Variants in USP10 observed in about 807,000 individuals in gnomAD.
USP10 encodes the protein ubiquitin specific peptidase 10.
USP10 carries 22 observed loss-of-function variants against 84.5 expected under a neutral mutation model. The observed-to-expected ratio is 0.26, with a 90% confidence interval of 0.19 to 0.37. The LOEUF is 0.37. USP10 is among the 10% of genes least tolerant of loss of function. USP10 has a pLI of 1.00. For missense variants in USP10, 1,019 were observed against 998.9 expected, an observed-to-expected ratio of 1.02 and a Z score of -0.27; for synonymous variants, 454 against 387.6, an observed-to-expected ratio of 1.17 and a Z score of -2.01.
chr16:84,721,849 C>T (rs35269236), intron 1 of USP10, among the ~76,000 whole-genome samples: 27,108 of 152,248 alleles, frequency 0.18, 2,803 homozygotes, highest in Middle Eastern at 0.32. Flanking sequence ...AGGCACACGC[C>T]GCCACACCTG....
chr16:84,730,474 A>G (rs1422536705), intron 1 of USP10, among the ~76,000 whole-genome samples: 1 of 152,242 alleles, frequency 6.6e-6, no homozygotes, highest in Non-Finnish European at 1.5e-5. Context: ...ATTTTCTCAG[A>G]TACTTTAAAA....
chr16:84,769,003 A>T (rs1281265163), intron 11 of USP10, among the ~76,000 whole-genome samples: 2 of 152,148 alleles, frequency 1.3e-5, no homozygotes, highest in African/African-American at 4.8e-5. Flanking sequence ...GGCTGTCCAG[A>T]TGTGCCAGCT....
At chr16:84,706,498 A>G (rs1488895101) in intron 1 of USP10, among the ~76,000 whole-genome samples, 4 of 147,508 alleles carry the variant, frequency 2.7e-5, no homozygotes, top group African/African-American at 9.9e-5. Context: ...TTATTTGTAT[A>G]TGTATTTATA....
chr16:84,749,012 A>G (rs1328338952), intron 4 of USP10, among the ~76,000 whole-genome samples: 4 of 152,156 alleles, frequency 2.6e-5, no homozygotes, highest in East Asian at 1.9e-4. Flanking sequence ...AAAATATATA[A>G]TTCTTTTCAG....
rs573033157 is a variant in USP10 at position 84,727,890 on chromosome 16, C to G, written c.22-5545C>G. 4.6e-5 allele frequency among the ~76,000 whole-genome samples: 7 copies of G among 152,248 alleles called. 1 individual carries two copies. The highest frequency in any genetic ancestry group is 1.7e-4 in the African/African-American group (7 of 41,560). The stretch of plus-strand genomic sequence containing the variant: ...GATGCAGTACTTTTTTCTAACCTGT[C>G]CATATTCTAATTTTGGGAGTTGACC... On this transcript the variant is annotated intron_variant, in intron 1 of 13. Transcript: ENST00000219473.
At chr16:84,766,965 A>G (rs1476786536) in intron 10 of USP10, among the ~76,000 whole-genome samples, 1 of 152,030 alleles carries the variant, frequency 6.6e-6, no homozygotes, top group Non-Finnish European at 1.5e-5. Flanking sequence ...CCCCGGTGCC[A>G]CCTTTGCTAA....
chr16:84,731,119 A>G (rs1284249116), intron 1 of USP10, among the ~76,000 whole-genome samples: 3 of 151,272 alleles, frequency 2.0e-5, no homozygotes, highest in African/African-American at 7.3e-5. Flanking sequence ...AGCTGGGACT[A>G]CAGGTGCATG....
chr16:84,743,606 A>G (rs983124897), intron 3 of USP10, among the ~76,000 whole-genome samples: 2 of 152,224 alleles, frequency 1.3e-5, no homozygotes, highest in Non-Finnish European at 2.9e-5. Context: ...TCATGCATTA[A>G]AGATGAAATA....
intron 1 of USP10, among the ~76,000 whole-genome samples, chr16:84,723,674 G>A (rs1908098663): frequency 6.6e-6 from 1 of 152,146 alleles, no homozygotes; most frequent in African/African-American, 2.4e-5. Flanking sequence ...ATTAACTTCT[G>A]GCTAAACAAA....
chr16:84,722,446 C>A (rs548756861), intron 1 of USP10, among the ~76,000 whole-genome samples: 1 of 152,182 alleles, frequency 6.6e-6, no homozygotes, highest in African/African-American at 2.4e-5. Context: ...ATGTGGTAAG[C>A]GTATATTCTA....
intron 1 of USP10, among the ~76,000 whole-genome samples, chr16:84,724,970 C>T (rs2150784309): frequency 6.6e-6 from 1 of 152,206 alleles, no homozygotes; most frequent in South Asian, 2.1e-4. Flanking sequence ...TTCATAAAGC[C>T]TAGTAAAGAA....
intron 4 of USP10, among the ~76,000 whole-genome samples, chr16:84,751,394 G>C (rs1911917036): frequency 6.6e-6 from 1 of 152,140 alleles, no homozygotes; most frequent in Non-Finnish European, 1.5e-5. Flanking sequence ...TGGGGGAAAT[G>C]GTTTCTCAGA....
chr16:84,741,691 C>G (rs1200449261), intron 3 of USP10, among the ~76,000 whole-genome samples: 5 of 152,194 alleles, frequency 3.3e-5, no homozygotes, highest in African/African-American at 9.6e-5. Context: ...GCCAAAAACA[C>G]GACTGGAATC....
At chr16:84,713,320 C>T (rs1906551968) in intron 1 of USP10, among the ~76,000 whole-genome samples, 1 of 152,066 alleles carries the variant, frequency 6.6e-6, no homozygotes, top group African/African-American at 2.4e-5. Flanking sequence ...GTGGTTTGCT[C>T]CCCTACTTTC....
Position 84,775,234 on chromosome 16 carries a change from A to AT in USP10, c.2209+12dup. The AT allele has an allele frequency of 6.2e-7, 1 of 1,612,534 alleles. No individual in the cohort carries two copies. The highest frequency in any genetic ancestry group is 8.5e-7 in the Non-Finnish European group (1 of 1,178,610). On this transcript the variant is annotated intron_variant, in intron 13 of 13. Transcript: ENST00000219473. ...CTATCGGCTCTTTGCAGGTGAGTAA[A>AT]TTTGTACGACATTACTTCTTCATTA...
intron 8 of USP10, among the ~76,000 whole-genome samples, chr16:84,762,453 A>G (rs773513600): frequency 2.6e-5 from 4 of 152,184 alleles, no homozygotes; most frequent in African/African-American, 4.8e-5. Context: ...CACTTTGGGA[A>G]GCCAAGGCAG....
intron 1 of USP10, among the ~76,000 whole-genome samples, chr16:84,708,091 A>T (rs1905780980): frequency 6.6e-6 from 1 of 151,964 alleles, no homozygotes; most frequent in Non-Finnish European, 1.5e-5. Context: ...AAAAGAAAAG[A>T]TAAGAAATAT....
At chr16:84,733,398 A>C in intron 1 of USP10, 37 bp from the exon 2 acceptor site, 1 of 1,477,000 alleles carries the variant, frequency 6.8e-7, no homozygotes, top group South Asian at 1.2e-5. Context: ...TAATTTGTAT[A>C]TTTTATGTGA....
chr16:84,720,636 C>T (rs906184768), intron 1 of USP10, among the ~76,000 whole-genome samples: 5 of 126,128 alleles, frequency 4.0e-5, no homozygotes, highest in Non-Finnish European at 6.2e-5. Flanking sequence ...GGCTGGAGTG[C>T]AGTGGTGCGA....
Sources: allele counts gnomAD v4.1 joint callset (sites outside exome capture counted in the v4.1 genomes callset), GRCh38; gene constraint gnomAD v4.1.1; transcripts MANE v1.5; gene names NCBI Gene and HGNC (gene_info 2026-07-23, HGNC 2026-07-21).